The following ZBTB4 variants were observed in gnomAD, a reference collection of about 807,000 sequenced individuals.
ZBTB4 encodes the protein zinc finger and BTB domain containing 4.
In ZBTB4, 14 loss-of-function variants were observed where a neutral mutation model predicts 59.8. The observed-to-expected ratio is 0.23, with a 90% CI of 0.15 to 0.37. The LOEUF is 0.37. Ranked by LOEUF, ZBTB4 falls within the 10% of genes least tolerant of loss-of-function variation. ZBTB4 has a pLI of 1.00. For synonymous variants in ZBTB4, 587 were observed against 575.2 expected, an observed-to-expected ratio of 1.02 and a Z score of -0.29; for missense variants, 1,198 against 1,380.8, an observed-to-expected ratio of 0.87 and a Z score of 2.10.
rs1597783098 is a variant in ZBTB4, at chr17:7,479,608, G to A, written c.-233C>T. 6.1e-6 allele frequency: 1 copy of A among 164,780 alleles called. No individual in the cohort carries two copies. The highest frequency in any genetic ancestry group is 1.3e-5 in the Non-Finnish European group (1 of 79,446). 10.2% of individuals were successfully genotyped at this position (164,780 alleles called of 1,614,324 possible). A position where few individuals can be genotyped will look rare whatever the true frequency, so the allele number is the denominator to read the frequency against. ...GCCCCGGCCCGGCCCCGCTGCCGCC[G>A]CCGCCGCCGCCGCTGACATCATCGG... On this transcript the variant is annotated 5_prime_UTR_variant, in exon 1 of 4. Coordinates refer to ENST00000380599, the MANE Select transcript of ZBTB4 (RefSeq NM_001128833.2).
chr17:7,462,245 CA>C lies in ZBTB4; in HGVS notation c.2736del (p.Ala913ProfsTer60), dbSNP rs1567683085. On this transcript the variant is annotated frameshift_variant, in exon 4 of 4. Transcript: ENST00000380599. LOFTEE classifies it high-confidence loss of function. The surrounding 1 kb of genome is among the most constrained non-coding windows in gnomAD (Gnocchi z 7.5). ...GEGDRMEGIG[A>X]AKVTFYPEPY... ...GGCTCAGGGTAGAAAGTGACTTTGG[CA>C]GCCCCTATCCCCTCCATCCGGTCCC... 6.2e-7 allele frequency: 1 copy of C among 1,613,688 alleles called. No homozygotes were observed. The highest frequency in any genetic ancestry group is 1.7e-5 in the Admixed American group (1 of 59,992).
Position 7,462,675 on chromosome 17 carries a change from G to C in ZBTB4, c.2307C>G (p.His769Gln), listed in dbSNP as rs372321820. The C allele has an allele frequency of 1.1e-4, 175 of 1,607,088 alleles. 1 individual carries two copies. The highest frequency in any genetic ancestry group is 1.4e-4 in the Non-Finnish European group (167 of 1,179,390). ...CTGCGGTCTTGCACACCTTGGCGCA[G>C]TGGGGGCAGGTAAAGCGGGTGGAGG... ...RRPSTRFTCPHCAKVCKTAAA... is the reference protein window; with the variant it reads ...RRPSTRFTCPQCAKVCKTAAA... The change falls in exon 4 of 4, where the codon CAC (histidine) becomes CAG (glutamine). Residue 769 changes from histidine to glutamine, a missense_variant. His to Gln is a conservative substitution (Grantham distance 24). Around this residue, in one of 9 missense-constraint regions of ZBTB4, gnomAD observed 550 missense variants for 541.8 expected, o/e 1.02. Transcript: ENST00000380599. This position sits in a 1 kb window ranked among gnomAD's most constrained non-coding sequence, Gnocchi z 7.5.
chr17:7,466,040 G>A lies in ZBTB4; in HGVS notation c.762C>T (p.Ala254=), dbSNP rs150157543. 1.0e-4 allele frequency: 166 copies of A among 1,608,288 alleles called. No homozygotes were observed. The East Asian group carries it at 3.6e-3, about 35-fold the overall frequency. The part of the protein sequence containing the change: ...IHPKRLQTHE[A]QCRRGASTRG... ...GCGTGCTGGCCCCTCGTCGGCACTGGGCCTCATGGGTCTGCAGCCGTTTGG... is the reference window on the plus strand; with the variant it reads ...GCGTGCTGGCCCCTCGTCGGCACTGAGCCTCATGGGTCTGCAGCCGTTTGG... The change falls in exon 3 of 4, where the codon GCC becomes GCT. Residue 254 remains alanine, a synonymous_variant. Transcript: ENST00000380599. The surrounding 1 kb of genome is among the most constrained non-coding windows in gnomAD (Gnocchi z 9.1).
At position 7,466,119 on chromosome 17, in the gene ZBTB4, G is replaced by C. The variant is rs769997599; in HGVS notation, c.683C>G (p.Ser228Cys). ...GCAGGGGAGGGGCCGCCGGGGCAGG[G>C]AGCACTGCAAGTCAGGGGCCTGGGC... Reference protein sequence around the residue: ...AEAQAPDLQCSLPRRPLPCPQ... With the variant: ...AEAQAPDLQCCLPRRPLPCPQ... Residue 228 changes from serine to cysteine, a missense_variant, in exon 3 of 4, where the codon TCC becomes TGC. By Grantham distance (112) the Ser-to-Cys change is moderately radical. Around this residue, in one of 9 missense-constraint regions of ZBTB4, gnomAD observed 204 missense variants for 205.5 expected, o/e 0.99. Transcript: ENST00000380599. This position sits in a 1 kb window ranked among gnomAD's most constrained non-coding sequence, Gnocchi z 9.1. 8.1e-6 allele frequency: 13 copies of C among 1,609,238 alleles called. No homozygotes were observed. The highest frequency in any genetic ancestry group is 1.1e-5 in the Non-Finnish European group (13 of 1,177,492).
chr17:7,466,731 C>T lies in ZBTB4; in HGVS notation c.71G>A (p.Arg24Gln). 2 of 1,601,146 alleles carry T rather than the reference C, an allele frequency of 1.2e-6. No individual in the cohort carries two copies. The highest frequency in any genetic ancestry group is 1.7e-6 in the Non-Finnish European group (2 of 1,174,838). The stretch of plus-strand genomic sequence containing the variant: ...GACGTCACAGAAGAGGCCACGGAGC[C>T]GCTGTTCATTGAGCTGGCGCAGGAC... ...PAVLRQLNEQ[R>Q]LRGLFCDVTL... The change falls in exon 3 of 4, where the codon CGG becomes CAG. Residue 24 changes from arginine (R) to glutamine (Q), a missense_variant. By Grantham distance (43) the Arg-to-Gln change is conservative. Coordinates refer to ENST00000380599, the MANE Select transcript of ZBTB4 (RefSeq NM_001128833.2). This position sits in a 1 kb window ranked among gnomAD's most constrained non-coding sequence, Gnocchi z 9.1.
At chr17:7,481,898 A>C, upstream of ZBTB4, 1 of 1,497,974 alleles carries the variant, frequency 6.7e-7, no homozygotes, top group Non-Finnish European at 8.9e-7. Context: ...ACAGTCCCAC[A>C]GGGTCCCAGA....
In ZBTB4 at chr17:7,461,893, G is replaced by T; in HGVS notation, c.*47C>A. 1 of 1,491,736 alleles carries T rather than the reference G, an allele frequency of 6.7e-7. No homozygotes were observed. Among genetic ancestry groups the T allele is most frequent in the Non-Finnish European group, 9.0e-7 (1 of 1,109,826 alleles). 92.4% of individuals were successfully genotyped at this position (1,491,736 alleles called of 1,614,324 possible). A position where few individuals can be genotyped will look rare whatever the true frequency, so the allele number is the denominator to read the frequency against. On this transcript the variant is annotated 3_prime_UTR_variant, in exon 4 of 4. Transcript: ENST00000380599. ...GCCAGGGAGCTGGTAGTGGTGGGGG[G>T]TTCAGGGAGGGTGGCATCTGGTGAA...
At position 7,464,894 on chromosome 17, in the gene ZBTB4, T is replaced by C. The variant is rs930668280; in HGVS notation, c.1091+817A>G. ...AAATGCCGCCGGGCGCGGTGGCTCA[T>C]GCCTGTAATCTCAGCACTTTGGGAG... On this transcript the variant is annotated intron_variant, in intron 3 of 3. Coordinates refer to ENST00000380599, the MANE Select transcript of ZBTB4 (RefSeq NM_001128833.2). Among the ~76,000 whole-genome samples, 230 of 146,826 alleles carry C rather than the reference T, an allele frequency of 1.6e-3. 1 individual carries two copies. The highest frequency in any genetic ancestry group is 8.9e-3 in the East Asian group (44 of 4,918).
chr17:7,471,746 C>G (rs896691188), intron 1 of ZBTB4, among the ~76,000 whole-genome samples: 1 of 152,150 alleles, frequency 6.6e-6, no homozygotes, highest in Non-Finnish European at 1.5e-5. Context: ...ATAGTTCCTA[C>G]CTTGTGGGGT....
At chr17:7,482,412 C>T, upstream of ZBTB4, 2 of 1,614,038 alleles carry the variant, frequency 1.2e-6, no homozygotes, top group Non-Finnish European at 8.5e-7. Context: ...GTCTGCTCCG[C>T]CGTCCTCACC....
At chr17:7,481,609 G>C, upstream of ZBTB4, 1 of 922,502 alleles carries the variant, frequency 1.1e-6, no homozygotes. Flanking sequence ...AGCTGTCTCA[G>C]AGATACCCAC....
intron 1 of ZBTB4, among the ~76,000 whole-genome samples, chr17:7,470,890 C>G (rs1453531694): frequency 6.6e-6 from 1 of 152,134 alleles, no homozygotes; most frequent in Non-Finnish European, 1.5e-5. Flanking sequence ...AATATCCTAC[C>G]TGGGTGCCTT....
At position 7,460,324 on chromosome 17, in the gene ZBTB4, T is replaced by C. The variant is rs2070002829; in HGVS notation, c.*1616A>G. 6.6e-6 allele frequency: 1 copy of C among 152,628 alleles called. No homozygotes were observed. The highest frequency in any genetic ancestry group is 2.1e-4 in the South Asian group (1 of 4,836). The allele number at this position is 152,628 out of a possible 1,614,324, so 9.5% of individuals were successfully genotyped here. On this transcript the variant is annotated 3_prime_UTR_variant, in exon 4 of 4. Transcript: ENST00000380599. Reference sequence around the variant, plus strand: ...CCCTTTTGTATATGCTGGGAGGGTATGAGGGGTAGGAGGATGGTCCTGGCC... The same window carrying C: ...CCCTTTTGTATATGCTGGGAGGGTACGAGGGGTAGGAGGATGGTCCTGGCC...
intron 1 of ZBTB4, among the ~76,000 whole-genome samples, chr17:7,479,223 G>C (rs138874280): frequency 2.0e-5 from 3 of 151,896 alleles, no homozygotes; most frequent in Non-Finnish European, 2.9e-5. Flanking sequence ...TCCCACGGCC[G>C]CCCCTCGCTC....
intron 1 of ZBTB4, among the ~76,000 whole-genome samples, chr17:7,471,112 C>A (rs1251104561): frequency 6.6e-6 from 1 of 152,146 alleles, no homozygotes; most frequent in Non-Finnish European, 1.5e-5. Context: ...ACTAGAGACA[C>A]CCAATGCTGG....
Position 7,463,502 on chromosome 17 carries a change from T to C in ZBTB4, c.1480A>G (p.Ser494Gly). The C allele has an allele frequency of 3.2e-6, 5 of 1,552,448 alleles. No individual in the cohort carries two copies. The highest frequency in any genetic ancestry group is 1.2e-5 in the South Asian group (1 of 81,900). Residue 494 changes from serine to glycine, a missense_variant, in exon 4 of 4, where the codon AGT becomes GGT. Ser to Gly is a moderately conservative substitution (Grantham distance 56, BLOSUM62 0). Transcript: ENST00000380599. Reference protein sequence around the residue: ...HGGSSSGGGGSGTASTGGSQA... With the variant: ...HGGSSSGGGGGGTASTGGSQA... Reference sequence around the variant, plus strand: ...GACCCTCCTGTGCTGGCCGTCCCACTCCCCCCTCCACCACTGCTACTGCCC... The same window carrying C: ...GACCCTCCTGTGCTGGCCGTCCCACCCCCCCCTCCACCACTGCTACTGCCC...
chr17:7,481,587 T>A, upstream of ZBTB4: 1 of 1,166,166 alleles, frequency 8.6e-7, no homozygotes, highest in Non-Finnish European at 1.2e-6. Context: ...TTCCCCTCCT[T>A]TCCTAAAACT....
At chr17:7,484,173 TAAAG>T (rs2070383056), upstream of ZBTB4, 1 of 153,238 alleles carries the variant, frequency 6.5e-6, no homozygotes, top group Non-Finnish European at 1.5e-5. Context: ...GCGGTGGGAT[TAAAG>T]AAAAAAATTC....
At position 7,462,443 on chromosome 17, in the gene ZBTB4, G is replaced by A; in HGVS notation, c.2539C>T (p.Leu847Phe). ...AAEEASETAS[L>F]QDPIISGGEE... ...CCCCCTGAAATGATAGGGTCCTGGA[G>A]TGAGGCGGTCTCGGAAGCTTCCTCA... is the stretch of plus-strand genomic sequence containing the variant. Residue 847 changes from leucine (L) to phenylalanine (F), a missense_variant, in exon 4 of 4, where the codon CTC becomes TTC. By Grantham distance (22) the Leu-to-Phe change is conservative. Around this residue, in one of 9 missense-constraint regions of ZBTB4, gnomAD observed 211 missense variants for 236.1 expected, o/e 0.89. Coordinates refer to ENST00000380599, the MANE Select transcript of ZBTB4 (RefSeq NM_001128833.2). This position sits in a 1 kb window ranked among gnomAD's most constrained non-coding sequence, Gnocchi z 7.5. 1.2e-6 allele frequency: 2 copies of A among 1,613,940 alleles called. No individual in the cohort carries two copies. The highest frequency in any genetic ancestry group is 1.7e-6 in the Non-Finnish European group (2 of 1,180,020).
Sources: gnomAD v4.1 joint callset for allele counts (sites outside exome capture counted in the v4.1 genomes callset) on GRCh38, gnomAD v4.1.1 for gene constraint, gnomAD v4.1.1 regional missense constraint, Gnocchi (gnomAD v3.1) non-coding constraint, MANE v1.5 for transcripts, NCBI Gene and HGNC (gene_info 2026-07-23, HGNC 2026-07-21) for gene names.